SLC7A2: variants seen among roughly 807,000 people sequenced by gnomAD.
SLC7A2 encodes the protein solute carrier family 7 member 2, also known as cationic amino acid transporter 2.
SLC7A2 carries 48 observed loss-of-function variants against 58.9 expected under a neutral mutation model. The ratio of observed to expected loss-of-function variants is 0.82; its 90% CI spans 0.65 to 1.04. SLC7A2 has a LOEUF of 1.04. Among genes scored for constraint, SLC7A2 ranks in the 50% least tolerant of loss-of-function variants. The probability of loss-of-function intolerance (pLI) is 0.00; values close to 1 mark genes in which losing one functional copy is unlikely to be tolerated. For synonymous variants in SLC7A2, 363 were observed against 314.5 expected (o/e 1.15, Z -1.63); for missense variants, 1,029 against 818.8 (o/e 1.26, Z -3.13).
rs910660203 is a variant in SLC7A2, at chr8:17,568,105, G to C, written c.*2959G>C. On this transcript the variant is annotated 3_prime_UTR_variant, in exon 13 of 13. Coordinates refer to ENST00000494857, the MANE Select transcript of SLC7A2 (RefSeq NM_001370338.1). Reference sequence around the variant, plus strand: ...TCAAAATTATATAAAGTCTTCTCCAGTAATTAAGAAATACATATGCAAATT... The same window carrying C: ...TCAAAATTATATAAAGTCTTCTCCACTAATTAAGAAATACATATGCAAATT... 1 of 151,976 alleles carries C rather than the reference G, an allele frequency of 6.6e-6. No homozygotes were observed. Among genetic ancestry groups the C allele is most frequent in the Admixed American group, 6.6e-5 (1 of 15,266 alleles). 9.4% of individuals were successfully genotyped at this position (151,976 alleles called of 1,614,324 possible). A position where few individuals can be genotyped will look rare whatever the true frequency, so the allele number is the denominator to read the frequency against.
At position 17,503,621 on chromosome 8, in the gene SLC7A2, T is replaced by C. The variant is rs184641520; in HGVS notation, c.-23+1319T>C. On this transcript the variant is annotated intron_variant, in intron 2 of 12. Transcript: ENST00000494857. Reference sequence around the variant, plus strand: ...ACTTATTATTCATACGCGGCGCTCATAGTTCGCAGAATATTTGCAACTTGC... The same window carrying C: ...ACTTATTATTCATACGCGGCGCTCACAGTTCGCAGAATATTTGCAACTTGC... Among the ~76,000 whole-genome samples the C allele has an allele frequency of 1.4e-4, 21 of 152,110 alleles. No homozygotes were observed. In the East Asian group the frequency reaches 1.6e-3, roughly 11 times the overall value.
chr8:17,559,833 G>GC (rs1296801288), intron 9 of SLC7A2, among the ~76,000 whole-genome samples: 2 of 152,184 alleles, frequency 1.3e-5, no homozygotes, highest in South Asian at 2.1e-4. Flanking sequence ...TGCAATGGGT[G>GC]TAGAAGTGGC....
In SLC7A2 at chr8:17,569,643, G is replaced by A. The variant is rs1434714775; in HGVS notation, c.*4497G>A. The stretch of plus-strand genomic sequence containing the variant: ...AGAAGCCTGATCTGTTATTGTTGTG[G>A]TTGTTGGTGTTTGTAATATTCATTA... On this transcript the variant is annotated 3_prime_UTR_variant, in exon 13 of 13. Transcript: ENST00000494857. The A allele has an allele frequency of 6.6e-6, 1 of 152,174 alleles. No individual in the cohort carries two copies. The highest frequency in any genetic ancestry group is 1.5e-5 in the Non-Finnish European group (1 of 68,018). The allele number at this position is 152,174 out of a possible 1,614,324, so 9.4% of individuals were successfully genotyped here. A position where few individuals can be genotyped will look rare whatever the true frequency, so the allele number is the denominator to read the frequency against.
chr8:17,513,558 C>G (rs1252488170), intron 2 of SLC7A2, among the ~76,000 whole-genome samples: 1 of 152,184 alleles, frequency 6.6e-6, no homozygotes, highest in Non-Finnish European at 1.5e-5. Context: ...TAAAGCTTAT[C>G]ACAGGATCTC....
intron 9 of SLC7A2, 34 bp downstream of exon 9, chr8:17,558,431 T>C (rs1802811572): frequency 2.2e-6 from 3 of 1,364,552 alleles, no homozygotes; most frequent in Non-Finnish European, 3.1e-6. Flanking sequence ...GGGTGTACCA[T>C]GCACGAGGGA....
chr8:17,535,833 G>T (rs1305620428), intron 2 of SLC7A2, among the ~76,000 whole-genome samples: 2 of 152,114 alleles, frequency 1.3e-5, no homozygotes, highest in Non-Finnish European at 2.9e-5. Context: ...AACCCGGGAG[G>T]CGGAGGTGGC....
intron 2 of SLC7A2, among the ~76,000 whole-genome samples, chr8:17,526,627 G>A (rs1010730054): frequency 2.0e-5 from 3 of 152,116 alleles, no homozygotes; most frequent in African/African-American, 7.2e-5. Flanking sequence ...GAGAGAAGAA[G>A]AAAGGAAAGA....
At chr8:17,501,881 TAAA>T (rs10583339) in intron 1 of SLC7A2, among the ~76,000 whole-genome samples, 1 of 142,348 alleles carries the variant, frequency 7.0e-6, no homozygotes, top group Non-Finnish European at 1.5e-5. Context: ...AACAGGAGCT[TAAA>T]AAAAAAAAAA....
chr8:17,559,218 T>C (rs1251533134), intron 9 of SLC7A2, among the ~76,000 whole-genome samples: 2 of 152,218 alleles, frequency 1.3e-5, no homozygotes, highest in African/African-American at 4.8e-5. Flanking sequence ...AGCAGGCTTG[T>C]ATTAGTCCAT....
In SLC7A2 at chr8:17,568,840, T is replaced by G. The variant is rs1026399198; in HGVS notation, c.*3694T>G. ...TTAGCTGGGCATGGTGGCATGCACA[T>G]GTAGTCAGAGCTACTGGGGGTGCTG... On this transcript the variant is annotated 3_prime_UTR_variant, in exon 13 of 13. Transcript: ENST00000494857. 6.6e-6 allele frequency: 1 copy of G among 152,116 alleles called. No homozygotes were observed. The highest frequency in any genetic ancestry group is 6.6e-5 in the Admixed American group (1 of 15,226). The allele number at this position is 152,116 out of a possible 1,614,324, so 9.4% of individuals were successfully genotyped here.
At chr8:17,512,304 TG>T (rs1800636345) in intron 2 of SLC7A2, among the ~76,000 whole-genome samples, 1 of 151,616 alleles carries the variant, frequency 6.6e-6, no homozygotes, top group South Asian at 2.1e-4. Context: ...CCTAGCACTT[TG>T]GGAGGCCAAG....
chr8:17,554,990 T>A (rs1391588099), intron 8 of SLC7A2: 3 of 1,614,012 alleles, frequency 1.9e-6, no homozygotes, highest in Non-Finnish European at 2.5e-6. Flanking sequence ...CTGTTTGCCA[T>A]GGCCCGGGAT....
intron 11 of SLC7A2, among the ~76,000 whole-genome samples, chr8:17,562,912 A>C (rs1175271888): frequency 6.6e-6 from 1 of 152,120 alleles, no homozygotes; most frequent in Non-Finnish European, 1.5e-5. Context: ...AGGCCAAGGC[A>C]GGAGGATTGC....
At chr8:17,508,332 C>G (rs573809772) in intron 2 of SLC7A2, among the ~76,000 whole-genome samples, 3 of 152,286 alleles carry the variant, frequency 2.0e-5, no homozygotes, top group African/African-American at 7.2e-5. Context: ...GAAGGACAAA[C>G]AACCTTATTG....
At chr8:17,562,385 A>G (rs922345620) in intron 11 of SLC7A2, among the ~76,000 whole-genome samples, 1 of 151,942 alleles carries the variant, frequency 6.6e-6, no homozygotes, top group African/African-American at 2.4e-5. Context: ...TTGTATTTTT[A>G]GAAGACATGG....
upstream of SLC7A2, among the ~76,000 whole-genome samples, chr8:17,495,928 A>G (rs1231573859): frequency 1.3e-5 from 2 of 152,208 alleles, no homozygotes; most frequent in Non-Finnish European, 2.9e-5. Flanking sequence ...TATCTTCTGG[A>G]ATGAAGCCCC....
intron 2 of SLC7A2, among the ~76,000 whole-genome samples, chr8:17,523,274 C>G (rs1801089450): frequency 6.6e-6 from 1 of 151,962 alleles, no homozygotes; most frequent in Non-Finnish European, 1.5e-5. Context: ...AAAAACAATC[C>G]TAATAGAACC....
rs1803305526 is a variant in SLC7A2 at position 17,567,214 on chromosome 8, C to T, written c.*2068C>T. 6.6e-6 allele frequency: 1 copy of T among 152,556 alleles called. No homozygotes were observed. The highest frequency in any genetic ancestry group is 2.1e-4 in the South Asian group (1 of 4,826). 9.5% of individuals were successfully genotyped at this position (152,556 alleles called of 1,614,324 possible). On this transcript the variant is annotated 3_prime_UTR_variant, in exon 13 of 13. Transcript: ENST00000494857. ...GGGACTGTAGGCATGCTCATAAATC[C>T]TTGCTGTTGTCACAGTACGCTGAAA...
At chr8:17,536,572 C>A (rs1440273536) in intron 2 of SLC7A2, among the ~76,000 whole-genome samples, 1 of 152,078 alleles carries the variant, frequency 6.6e-6, no homozygotes, top group African/African-American at 2.4e-5. Context: ...AACAATTCTA[C>A]CTTATGTCAA....
Sources: gnomAD v4.1 joint callset for allele counts (sites outside exome capture counted in the v4.1 genomes callset) on GRCh38, gnomAD v4.1.1 for gene constraint, MANE v1.5 for transcripts, NCBI Gene and HGNC (gene_info 2026-07-23, HGNC 2026-07-21) for gene names.